Variants in REX1BD observed in about 807,000 individuals in gnomAD.
REX1BD encodes the protein required for excision 1-B domain containing.
In REX1BD, 22 loss-of-function variants were observed where a neutral mutation model predicts 24.4. The observed-to-expected ratio is 0.90, with a 90% CI of 0.64 to 1.29. The LOEUF (loss-of-function observed/expected upper bound fraction) is 1.29. Ranked by LOEUF, REX1BD falls within the 50% of genes most tolerant of loss-of-function variation. The probability of loss-of-function intolerance (pLI) is 0.00; values close to 1 mark genes in which losing one functional copy is unlikely to be tolerated. For synonymous variants in REX1BD, 146 were observed against 125.9 expected, an observed-to-expected ratio of 1.16 and a Z score of -1.07; for missense variants, 293 against 285.3, an observed-to-expected ratio of 1.03 and a Z score of -0.19.
At position 18,590,848 on chromosome 19, in the gene REX1BD, C is replaced by A. The variant is rs1310155723; in HGVS notation, c.454-6C>A. ...ACATCCTTCGTGTTGCTCATTCCCC[C>A]ACCAGGTGGCCCTGCTGCAGTTGAT... On this transcript the variant is annotated splice_polypyrimidine_tract_variant and splice_region_variant and intron_variant, in intron 3 of 4. Coordinates refer to ENST00000358607, the MANE Select transcript of REX1BD (RefSeq NM_001100418.2). 6 of 1,603,352 alleles carry A rather than the reference C, an allele frequency of 3.7e-6. No homozygotes were observed. The highest frequency in any genetic ancestry group is 5.1e-6 in the Non-Finnish European group (6 of 1,175,632).
At position 18,589,672 on chromosome 19, in the gene REX1BD, C is replaced by T. The variant is rs34396868; in HGVS notation, c.442C>T (p.Arg148Trp). ...CAGCCTGCAGGAGCTGGAGCAGACG[C>T]GGCTGGGCACGGTGAGGCCACCACC... ...VRSLQELEQT[R>W]LGTVALLQLM... Residue 148 changes from arginine (R) to tryptophan (W), a missense_variant, in exon 3 of 5, where the codon CGG (arginine) becomes TGG (tryptophan). Arg to Trp is a moderately radical substitution (Grantham distance 101). Transcript: ENST00000358607. The T allele has an allele frequency of 1.4e-6, 2 of 1,478,470 alleles. No individual in the cohort carries two copies. 91.6% of individuals were successfully genotyped at this position (1,478,470 alleles called of 1,614,324 possible).
At position 18,588,980 on chromosome 19, in the gene REX1BD, C is replaced by G. The variant is rs1192269097; in HGVS notation, c.100-15C>G. 2 of 1,525,076 alleles carry G rather than the reference C, an allele frequency of 1.3e-6. No homozygotes were observed. Among genetic ancestry groups the G allele is most frequent in the South Asian group, 1.2e-5 (1 of 82,850 alleles). 94.5% of individuals were successfully genotyped at this position (1,525,076 alleles called of 1,614,324 possible). On this transcript the variant is annotated splice_polypyrimidine_tract_variant and intron_variant, in intron 1 of 4. Coordinates refer to ENST00000358607, the MANE Select transcript of REX1BD (RefSeq NM_001100418.2). ...GCGCGGGCTTCATGCCCCAGCCGTG[C>G]CCCCTGTCCCGCAGAAAGACGCCCC...
intron 3 of REX1BD, chr19:18,590,206 T>TG (rs1976008864): frequency 8.1e-6 from 1 of 124,174 alleles, no homozygotes; most frequent in Non-Finnish European, 1.5e-5. Flanking sequence ...GGCCTTTTTC[T>TG]TTCTGGTGTT....
intron 4 of REX1BD, 113 bp from the exon 5 acceptor site, chr19:18,591,995 C>A: frequency 3.3e-6 from 4 of 1,213,596 alleles, no homozygotes; most frequent in Non-Finnish European, 3.6e-6. Context: ...GGAGGTTTGG[C>A]GGCGGGCAGG....
chr19:18,591,322 CT>C (rs1048746397), intron 4 of REX1BD: 3 of 160,294 alleles, frequency 1.9e-5, no homozygotes, highest in South Asian at 1.8e-4. Context: ...CTTTTCTTTT[CT>C]TTTTTTTCTG....
Position 18,589,663 on chromosome 19 carries a change from G to A in REX1BD, c.433G>A (p.Glu145Lys), listed in dbSNP as rs772710765. The A allele has an allele frequency of 4.4e-5, 65 of 1,489,202 alleles. No individual in the cohort carries two copies. The South Asian group carries it at 8.4e-4, about 19-fold the overall frequency. 92.2% of individuals were successfully genotyped at this position (1,489,202 alleles called of 1,614,324 possible). The change falls in exon 3 of 5, where the codon GAG becomes AAG. Residue 145 changes from glutamate (E) to lysine (K), a missense_variant. Glu to Lys is a moderately conservative substitution (Grantham distance 56). Coordinates refer to ENST00000358607, the MANE Select transcript of REX1BD (RefSeq NM_001100418.2). ...AGHVRSLQEL[E>K]QTRLGTVALL... is the part of the protein sequence containing the mutation. ...CCACGTGCGCAGCCTGCAGGAGCTG[G>A]AGCAGACGCGGCTGGGCACGGTGAG...
intron 4 of REX1BD, 173 bp downstream of exon 4, chr19:18,591,106 C>A (rs749992725): frequency 8.0e-5 from 47 of 589,704 alleles, no homozygotes; most frequent in Middle Eastern, 4.4e-4. Context: ...ACATCAGTTT[C>A]GCTGTGCATT....
intron 4 of REX1BD, 179 bp from the exon 5 acceptor site, chr19:18,591,928 TG>T: frequency 1.5e-6 from 1 of 657,044 alleles, no homozygotes; most frequent in Non-Finnish European, 2.6e-6. Flanking sequence ...CTGTGACCTA[TG>T]GGGCCACCCC....
At chr19:18,591,730 G>A in intron 4 of REX1BD, 1 of 235,404 alleles carries the variant, frequency 4.2e-6, no homozygotes, top group Non-Finnish European at 8.5e-6. Flanking sequence ...AAGTAGCTTG[G>A]ATTACAGATG....
intron 3 of REX1BD, 60 bp from the exon 4 acceptor site, chr19:18,590,794 A>C (rs1976024341): frequency 2.1e-5 from 31 of 1,512,192 alleles, no homozygotes; most frequent in Non-Finnish European, 2.8e-5. Context: ...ACATCCTTGG[A>C]GGGCAGGGGG....
Position 18,589,670 on chromosome 19 carries a change from C to T in REX1BD, c.440C>T (p.Thr147Met). The stretch of plus-strand genomic sequence containing the variant: ...CGCAGCCTGCAGGAGCTGGAGCAGA[C>T]GCGGCTGGGCACGGTGAGGCCACCA... Reference protein sequence around the residue: ...HVRSLQELEQTRLGTVALLQL... With the variant: ...HVRSLQELEQMRLGTVALLQL... Residue 147 changes from threonine to methionine, a missense_variant, in exon 3 of 5, where the codon ACG becomes ATG. By Grantham distance (81) the Thr-to-Met change is moderately conservative (BLOSUM62 -1). Coordinates refer to ENST00000358607, the MANE Select transcript of REX1BD (RefSeq NM_001100418.2). The T allele has an allele frequency of 1.3e-6, 2 of 1,482,278 alleles. No homozygotes were observed. Among genetic ancestry groups the T allele is most frequent in the Admixed American group, 2.3e-5 (1 of 42,648 alleles). 91.8% of individuals were successfully genotyped at this position (1,482,278 alleles called of 1,614,324 possible).
chr19:18,589,198 G>C (rs1337588523), intron 2 of REX1BD, 121 bp downstream of exon 2: 1 of 1,499,560 alleles, frequency 6.7e-7, no homozygotes, highest in Non-Finnish European at 8.9e-7. Flanking sequence ...GAGTCAGATG[G>C]GGCGGGGATT....
At chr19:18,589,871 A>T (rs886406632) in intron 3 of REX1BD, 188 bp downstream of exon 3, 1 of 855,708 alleles carries the variant, frequency 1.2e-6, no homozygotes. Context: ...TTCATCCCCA[A>T]TTTTTTTCCC....
At chr19:18,590,686 A>T in intron 3 of REX1BD, 168 bp from the exon 4 acceptor site, 1 of 600,130 alleles carries the variant, frequency 1.7e-6, no homozygotes, top group Non-Finnish European at 2.9e-6. Context: ...TTTCTGAGAG[A>T]GCCTCTAAAC....
Position 18,591,319 on chromosome 19 carries a change from T to C in REX1BD, c.533+386T>C, listed in dbSNP as rs114104031. ...ACACCCCACCAAGATGGCCTTTTCT[T>C]TTCTTTTTTTTCTGAGATGCAGTCT... On this transcript the variant is annotated intron_variant, in intron 4 of 4. Transcript: ENST00000358607. 454 of 160,588 alleles carry C rather than the reference T, an allele frequency of 2.8e-3. 4 individuals carry two copies. Among genetic ancestry groups the C allele is most frequent in the African/African-American group, 0.011 (441 of 41,816 alleles). The allele number at this position is 160,588 out of a possible 1,614,324, so 9.9% of individuals were successfully genotyped here. A position where few individuals can be genotyped will look rare whatever the true frequency, so the allele number is the denominator to read the frequency against.
Position 18,590,912 on chromosome 19 carries a change from G to A in REX1BD, c.512G>A (p.Arg171Gln), listed in dbSNP as rs753041780. The change falls in exon 4 of 5, where the codon CGG becomes CAG. Residue 171 changes from arginine to glutamine, a missense_variant. Coordinates refer to ENST00000358607, the MANE Select transcript of REX1BD (RefSeq NM_001100418.2). ...CTGGCGGGGCAGGAGGACGCTGTAC[G>A]GATGCAGCAGCTGAAAATGAAGTGA... ...PELAGQEDAV[R>Q]MQQLKMKVIK... The A allele has an allele frequency of 1.3e-6, 2 of 1,592,362 alleles. No homozygotes were observed. Among genetic ancestry groups the A allele is most frequent in the Non-Finnish European group, 1.7e-6 (2 of 1,170,358 alleles).
chr19:18,590,998 C>A, intron 4 of REX1BD, 65 bp downstream of exon 4: 1 of 1,396,714 alleles, frequency 7.2e-7, no homozygotes, highest in Non-Finnish European at 9.5e-7. Flanking sequence ...ACGGTCAGGA[C>A]GCTGCCAGCA....
Position 18,590,846 on chromosome 19 carries a change from C to G in REX1BD, c.454-8C>G. ...AGACATCCTTCGTGTTGCTCATTCCCCCACCAGGTGGCCCTGCTGCAGTTG... is the reference window on the plus strand; with the variant it reads ...AGACATCCTTCGTGTTGCTCATTCCGCCACCAGGTGGCCCTGCTGCAGTTG... On this transcript the variant is annotated splice_polypyrimidine_tract_variant and splice_region_variant and intron_variant, in intron 3 of 4. Transcript: ENST00000358607. The G allele has an allele frequency of 6.2e-7, 1 of 1,602,718 alleles. No individual in the cohort carries two copies. Among genetic ancestry groups the G allele is most frequent in the Non-Finnish European group, 8.5e-7 (1 of 1,175,272 alleles).
intron 3 of REX1BD, 23 bp downstream of exon 3, chr19:18,589,706 G>T: frequency 6.9e-7 from 1 of 1,453,812 alleles, no homozygotes; most frequent in Admixed American, 2.7e-5. Flanking sequence ...CCCCTTCCCC[G>T]CCGTGTCTCT....
Sources: gnomAD v4.1 joint callset for allele counts on GRCh38, gnomAD v4.1.1 for gene constraint, MANE v1.5 for transcripts, NCBI Gene and HGNC (gene_info 2026-07-23, HGNC 2026-07-21) for gene names.